The following MAP4K4 variants were observed in gnomAD, a reference collection of about 807,000 sequenced individuals.
MAP4K4 encodes the protein mitogen-activated protein kinase kinase kinase kinase 4, also known as HPK/GCK-like kinase HGK.
MAP4K4 carries 38 observed loss-of-function variants against 189.6 expected under a neutral mutation model. That is an observed-to-expected ratio of 0.20 (90% confidence interval 0.15 to 0.26). The LOEUF is 0.26. Ranked by LOEUF, MAP4K4 falls within the 10% of genes least tolerant of loss-of-function variation. MAP4K4 has a pLI of 1.00. For missense variants in MAP4K4, 1,054 were observed against 1,726.9 expected (o/e 0.61, Z 6.91); for synonymous variants, 610 against 624.3 (o/e 0.98, Z 0.34).
chr2:101,864,845 G>A (rs2097769425), intron 17 of MAP4K4, 85 bp from the exon 18 acceptor site: 2 of 884,644 alleles, frequency 2.3e-6, no homozygotes, highest in South Asian at 3.2e-5. Flanking sequence ...TATTAGGACT[G>A]CTTTAAAAAT....
At chr2:101,844,222 C>T (rs757412660) in exon 12 of MAP4K4, 5 of 1,598,630 alleles carry the variant, frequency 3.1e-6, no homozygotes, top group East Asian at 2.3e-5. Flanking sequence ...GCAACAGCTC[C>T]GGGAGCAGGA....
At chr2:101,758,897 G>T (rs2074288357) in intron 2 of MAP4K4, among the ~76,000 whole-genome samples, 1 of 152,094 alleles carries the variant, frequency 6.6e-6, no homozygotes, top group Non-Finnish European at 1.5e-5. Context: ...ACTTTGGGAG[G>T]CTGAGGCAGG....
At chr2:101,775,888 T>C (rs1436937643) in intron 2 of MAP4K4, among the ~76,000 whole-genome samples, 2 of 152,172 alleles carry the variant, frequency 1.3e-5, no homozygotes, top group Non-Finnish European at 2.9e-5. Flanking sequence ...GGTCAGTGTT[T>C]TTGTTGGAGT....
At position 101,866,788 on chromosome 2, in the gene MAP4K4, C is replaced by T. The variant is rs557671875; in HGVS notation, c.2356+209C>T. Among the ~76,000 whole-genome samples, 46 of 146,042 alleles carry T rather than the reference C, an allele frequency of 3.1e-4. 1 individual carries two copies. The highest frequency in any genetic ancestry group is 4.7e-4 in the South Asian group (2 of 4,292). On this transcript the variant is annotated intron_variant, in intron 19 of 32. Coordinates refer to ENST00000324219, the Ensembl canonical transcript of MAP4K4. ...CTTTATATATACCTAGCACTGTGAGCGCTTTACAATTTAGTGGGATTAACT... is the reference window on the plus strand; with the variant it reads ...CTTTATATATACCTAGCACTGTGAGTGCTTTACAATTTAGTGGGATTAACT...
intron 2 of MAP4K4, among the ~76,000 whole-genome samples, chr2:101,739,404 T>A (rs2061696131): frequency 1.3e-5 from 1 of 79,856 alleles, no homozygotes; most frequent in Non-Finnish European, 3.3e-5. Context: ...CCCTAAAATA[T>A]CATTTAATTC....
chr2:101,796,496 A>G (rs2093709811), intron 3 of MAP4K4, among the ~76,000 whole-genome samples: 1 of 152,216 alleles, frequency 6.6e-6, no homozygotes, highest in Non-Finnish European at 1.5e-5. Flanking sequence ...CACTGCAGGA[A>G]TTAGAACCTG....
chr2:101,887,958 G>A, intron 31 of MAP4K4, 21 bp downstream of exon 31: 1 of 1,559,464 alleles, frequency 6.4e-7, no homozygotes, highest in Non-Finnish European at 8.7e-7. Flanking sequence ...CTTGGGGAAA[G>A]GCAGCATTTG....
intron 2 of MAP4K4, among the ~76,000 whole-genome samples, chr2:101,708,526 A>G (rs1184394320): frequency 6.6e-6 from 1 of 152,328 alleles, no homozygotes; most frequent in African/African-American, 2.4e-5. Flanking sequence ...CATGGTACGT[A>G]TTAATTACCA....
At chr2:101,868,523 T>C (rs1352377551) in intron 21 of MAP4K4, among the ~76,000 whole-genome samples, 2 of 152,234 alleles carry the variant, frequency 1.3e-5, no homozygotes, top group Non-Finnish European at 2.9e-5. Context: ...GAAAATTATA[T>C]TTGGTGGATT....
At chr2:101,700,927 T>G (rs2038228677) in intron 2 of MAP4K4, among the ~76,000 whole-genome samples, 1 of 152,158 alleles carries the variant, frequency 6.6e-6, no homozygotes, top group South Asian at 2.1e-4. Flanking sequence ...TACAATTATG[T>G]GTAGGAGTTA....
chr2:101,887,843 G>A, exon 31 of MAP4K4: 1 of 1,613,242 alleles, frequency 6.2e-7, no homozygotes, highest in Non-Finnish European at 8.5e-7. Flanking sequence ...TGGAGCTTCT[G>A]GTGTGCTATG....
intron 2 of MAP4K4, among the ~76,000 whole-genome samples, chr2:101,774,999 T>C (rs1391322627): frequency 6.6e-6 from 1 of 151,126 alleles, no homozygotes; most frequent in Non-Finnish European, 1.5e-5. Context: ...ATTTTGTTTA[T>C]CAATCTCACA....
At position 101,882,702 on chromosome 2, in the gene MAP4K4, T is replaced by C; in HGVS notation, c.3520+17T>C. The C allele has an allele frequency of 1.3e-6, 2 of 1,519,136 alleles. No individual in the cohort carries two copies. Among genetic ancestry groups the C allele is most frequent in the Non-Finnish European group, 1.8e-6 (2 of 1,134,448 alleles). The allele number at this position is 1,519,136 out of a possible 1,614,324, so 94.1% of individuals were successfully genotyped here. A position where few individuals can be genotyped will look rare whatever the true frequency, so the allele number is the denominator to read the frequency against. ...ATAAAGTTGGTAAGTTCTAGAAGCG[T>C]CATATTTTGTTTTTCCAGAGTTTGA... is the stretch of plus-strand genomic sequence containing the variant. On this transcript the variant is annotated intron_variant, in intron 28 of 32. Transcript: ENST00000324219.
chr2:101,751,290 A>G (rs1252616295), intron 2 of MAP4K4, among the ~76,000 whole-genome samples: 1 of 152,226 alleles, frequency 6.6e-6, no homozygotes, highest in African/African-American at 2.4e-5. Context: ...CATATTCACT[A>G]GGATACCGCC....
At chr2:101,816,308 C>T (rs914195019) in intron 3 of MAP4K4, among the ~76,000 whole-genome samples, 1 of 152,150 alleles carries the variant, frequency 6.6e-6, no homozygotes, top group South Asian at 2.1e-4. Context: ...TTATTGAAGA[C>T]ACATTTTGTC....
chr2:101,759,472 CCCTCT>C (rs2074671971), intron 2 of MAP4K4, among the ~76,000 whole-genome samples: 1 of 116,942 alleles, frequency 8.6e-6, no homozygotes, highest in Non-Finnish European at 1.8e-5. Flanking sequence ...CTTTCCCTTT[CCCTCT>C]CCCCTCCCCT....
At chr2:101,788,471 G>A (rs541249326) in intron 2 of MAP4K4, among the ~76,000 whole-genome samples, 2 of 152,364 alleles carry the variant, frequency 1.3e-5, no homozygotes, top group South Asian at 2.1e-4. Flanking sequence ...CAAGGAAAGA[G>A]AGCTCAAAGC....
chr2:101,705,690 T>C (rs2041968989), intron 2 of MAP4K4, among the ~76,000 whole-genome samples: 1 of 152,222 alleles, frequency 6.6e-6, no homozygotes, highest in Admixed American at 6.5e-5. Flanking sequence ...TTTATATACT[T>C]TTAATTTCAG....
chr2:101,770,408 C>T (rs1045704558), intron 2 of MAP4K4, among the ~76,000 whole-genome samples: 18 of 151,888 alleles, frequency 1.2e-4, no homozygotes, highest in Admixed American at 6.6e-5. Context: ...GCCACCACAC[C>T]CGGCTAATTT....
Sources: gnomAD v4.1 joint callset for allele counts (sites outside exome capture counted in the v4.1 genomes callset) on GRCh38, gnomAD v4.1.1 for gene constraint, MANE v1.5 for transcripts, NCBI Gene and HGNC (gene_info 2026-07-23, HGNC 2026-07-21) for gene names.